The following ZDHHC15 variants were observed in gnomAD, a reference collection of about 807,000 sequenced individuals.
ZDHHC15 encodes the protein zDHHC palmitoyltransferase 15, also known as palmitoyltransferase ZDHHC15.
In ZDHHC15, 19 loss-of-function variants were observed where a neutral mutation model predicts 31.7. The ratio of observed to expected loss-of-function variants is 0.60; its 90% CI spans 0.42 to 0.88. The LOEUF is 0.88. Among genes scored for constraint, ZDHHC15 ranks in the 40% least tolerant of loss-of-function variants. The probability of loss-of-function intolerance (pLI) is 0.00; values close to 1 mark genes in which losing one functional copy is unlikely to be tolerated. For missense variants in ZDHHC15, 209 were observed against 251.2 expected (o/e 0.83, Z 1.14); for synonymous variants, 103 against 90.0 (o/e 1.14, Z -0.82).
intron 3 of ZDHHC15, among the ~76,000 whole-genome samples, chrX:75,463,607 A>C (rs201564525): frequency 2.0e-4 from 11 of 56,163 alleles, no homozygotes; most frequent in African/African-American, 2.7e-4. Context: ...ACAACAACAA[A>C]AAACCCATCA....
chrX:75,480,071 C>T (rs1020142228), intron 2 of ZDHHC15, among the ~76,000 whole-genome samples: 1 of 110,354 alleles, frequency 9.1e-6, no homozygotes, highest in Non-Finnish European at 1.9e-5. Context: ...TACTTCAATC[C>T]GTCAGAAAGA....
At position 75,381,393 on chromosome X, in the gene ZDHHC15, G is replaced by C. The variant is rs183795441; in HGVS notation, c.968-2195C>G. 3.6e-5 allele frequency among the ~76,000 whole-genome samples: 4 copies of C among 111,372 alleles called. No individual in the cohort carries two copies. The Admixed American group carries it at 3.8e-4, about 11-fold the overall frequency. Reference sequence around the variant, plus strand: ...AATGACTCCCAGATCTCTCTAGTTAGTGGGACTATTTCCAGATACTTAAAA... The same window carrying C: ...AATGACTCCCAGATCTCTCTAGTTACTGGGACTATTTCCAGATACTTAAAA... On this transcript the variant is annotated intron_variant, in intron 10 of 11. Transcript: ENST00000373367.
chrX:75,400,042 G>A (rs1324425327), intron 10 of ZDHHC15, among the ~76,000 whole-genome samples: 1 of 111,583 alleles, frequency 9.0e-6, no homozygotes, highest in African/African-American at 3.3e-5. Context: ...ACCAATGCAA[G>A]AACTCTGGTA....
chrX:75,429,511 T>C (rs2083753199), intron 6 of ZDHHC15, among the ~76,000 whole-genome samples: 1 of 111,811 alleles, frequency 8.9e-6, no homozygotes, highest in South Asian at 3.7e-4. Context: ...GCAGCTACAT[T>C]TGGTACAGTT....
At chrX:75,374,407 A>G (rs2147744096) in intron 11 of ZDHHC15, among the ~76,000 whole-genome samples, 1 of 110,280 alleles carries the variant, frequency 9.1e-6, no homozygotes, top group Admixed American at 9.8e-5. Context: ...GAACCTCCTT[A>G]ATCTGATAAA....
At position 75,476,810 on chromosome X, in the gene ZDHHC15, G is replaced by T. The variant is rs957398209; in HGVS notation, c.258+2081C>A. Among the ~76,000 whole-genome samples, 2 of 104,542 alleles carry T rather than the reference G, an allele frequency of 1.9e-5. 1 individual carries two copies. The highest frequency in any genetic ancestry group is 8.9e-4 in the South Asian group (2 of 2,235). 90.8% of individuals were successfully genotyped at this position (104,542 alleles called of 115,157 possible). On this transcript the variant is annotated intron_variant, in intron 3 of 11. Coordinates refer to ENST00000373367, the MANE Select transcript of ZDHHC15 (RefSeq NM_144969.3). ...TCCTTTTCAGTCTAGCTAAATAAAG[G>T]TTTGACAATTTTGTTAACCCTCAGT...
At chrX:75,419,030 A>C (rs2083585509) in intron 9 of ZDHHC15, among the ~76,000 whole-genome samples, 2 of 111,930 alleles carry the variant, frequency 1.8e-5, no homozygotes, top group Admixed American at 1.9e-4. Flanking sequence ...AACCTATAGA[A>C]TGGGAGAAAA....
At chrX:75,488,188 G>A (rs907790305) in intron 2 of ZDHHC15, among the ~76,000 whole-genome samples, 8 of 111,405 alleles carry the variant, frequency 7.2e-5, no homozygotes, top group Admixed American at 3.8e-4. Flanking sequence ...GAAATTCATC[G>A]CAAAAAGATC....
rs760934695 is a variant in ZDHHC15, at chrX:75,374,658, A to AGT, written c.*33-1715_*33-1714dup. ...ATTAATAGATGGAAAAGTAAATTTT[A>AGT]GTGTGTGTGTGTGTGTGTGTGTGTG... On this transcript the variant is annotated intron_variant, in intron 11 of 11. Coordinates refer to ENST00000373367, the MANE Select transcript of ZDHHC15 (RefSeq NM_144969.3). 4.8e-3 allele frequency among the ~76,000 whole-genome samples: 483 copies of AGT among 100,013 alleles called. 7 individuals are homozygous for AGT. The highest frequency in any genetic ancestry group is 0.018 in the African/African-American group (461 of 26,226). 86.8% of individuals were successfully genotyped at this position (100,013 alleles called of 115,157 possible).
chrX:75,490,641 T>C (rs1038677674), intron 2 of ZDHHC15, among the ~76,000 whole-genome samples: 1 of 111,560 alleles, frequency 9.0e-6, no homozygotes, highest in Non-Finnish European at 1.9e-5. Context: ...TGTTCTTCCA[T>C]TTGTTTGTAT....
chrX:75,414,002 G>C (rs2083516174), intron 10 of ZDHHC15, among the ~76,000 whole-genome samples: 1 of 111,778 alleles, frequency 8.9e-6, no homozygotes, highest in African/African-American at 3.3e-5. Context: ...AATTTGAATA[G>C]AGCAGAAAGA....
chrX:75,470,205 C>A (rs1056370016), intron 3 of ZDHHC15, among the ~76,000 whole-genome samples: 1 of 111,320 alleles, frequency 9.0e-6, no homozygotes, highest in East Asian at 2.8e-4. Context: ...GGCAGGAAAA[C>A]GCGAAAAGAC....
At chrX:75,471,699 G>A (rs1248138393) in intron 3 of ZDHHC15, among the ~76,000 whole-genome samples, 2 of 111,926 alleles carry the variant, frequency 1.8e-5, no homozygotes, top group Admixed American at 9.5e-5. Context: ...TCCAGAACAG[G>A]AGAAGGCTCT....
intron 3 of ZDHHC15, among the ~76,000 whole-genome samples, chrX:75,459,368 C>A (rs904155765): frequency 4.5e-5 from 5 of 111,903 alleles, no homozygotes; most frequent in Non-Finnish European, 9.4e-5. Context: ...TAATTCTAGC[C>A]AGCCAACTGC....
chrX:75,407,101 C>G (rs890331123), intron 10 of ZDHHC15, among the ~76,000 whole-genome samples: 1 of 112,447 alleles, frequency 8.9e-6, no homozygotes, highest in Admixed American at 9.3e-5. Context: ...TGCCCAGCCG[C>G]TACCCCGTAT....
intron 3 of ZDHHC15, among the ~76,000 whole-genome samples, chrX:75,472,960 T>C (rs772946565): frequency 8.9e-6 from 1 of 112,280 alleles, no homozygotes; most frequent in Non-Finnish European, 1.9e-5. Context: ...GCAGAGGTTT[T>C]TCCTCACTGG....
intron 4 of ZDHHC15, 168 bp downstream of exon 4, chrX:75,450,634 C>G: frequency 2.9e-6 from 3 of 1,030,937 alleles, no homozygotes; most frequent in Non-Finnish European, 3.9e-6. Flanking sequence ...ATTCTTCCAG[C>G]TTTGATATGT....
At position 75,368,873 on chromosome X, in the gene ZDHHC15, C is replaced by G. The variant is rs1415026187; in HGVS notation, c.*4105G>C. 8.9e-6 allele frequency: 1 copy of G among 111,808 alleles called. No individual in the cohort carries two copies. The highest frequency in any genetic ancestry group is 1.9e-5 in the Non-Finnish European group (1 of 53,163). 9.2% of individuals were successfully genotyped at this position (111,808 alleles called of 1,213,427 possible). ...ATGGTTTTGAACACTGTGCAGGACA[C>G]AGACCTAACCCTTTTAGGGAAGTAA... is the stretch of plus-strand genomic sequence containing the variant. On this transcript the variant is annotated 3_prime_UTR_variant, in exon 12 of 12. Transcript: ENST00000373367.
chrX:75,397,506 T>C (rs1447124901), intron 10 of ZDHHC15, among the ~76,000 whole-genome samples: 1 of 104,929 alleles, frequency 9.5e-6, no homozygotes, highest in Admixed American at 1.1e-4. Context: ...ACCCCATAAA[T>C]ATATACACCT....
Sources: gnomAD v4.1 joint callset for allele counts (sites outside exome capture counted in the v4.1 genomes callset) on GRCh38, gnomAD v4.1.1 for gene constraint, MANE v1.5 for transcripts, NCBI Gene and HGNC (gene_info 2026-07-23, HGNC 2026-07-21) for gene names.